The following PCDH9 variants were observed in gnomAD, a reference collection of about 807,000 sequenced individuals.
PCDH9 encodes protocadherin 9.
A neutral mutation model predicts 70.6 loss-of-function variants in PCDH9; 24 were observed. That is an observed-to-expected ratio of 0.34 (90% CI 0.25 to 0.48). The LOEUF is 0.48. Among genes scored for constraint, PCDH9 ranks in the 20% least tolerant of loss-of-function variants. PCDH9 has a pLI of 0.99. For missense variants in PCDH9, 1,281 were observed against 1,503.6 expected (o/e 0.85, Z 2.45); for synonymous variants, 562 against 558.5 (o/e 1.01, Z -0.09).
At chr13:67,196,861 T>A (rs1593604042) in intron 2 of PCDH9, among the ~76,000 whole-genome samples, 1 of 152,002 alleles carries the variant, frequency 6.6e-6, no homozygotes. Flanking sequence ...GGGATAGAAA[T>A]AAAATGTGCA....
chr13:67,090,448 C>A (rs2086194911), intron 2 of PCDH9, among the ~76,000 whole-genome samples: 1 of 151,916 alleles, frequency 6.6e-6, no homozygotes, highest in African/African-American at 2.4e-5. Context: ...TATTAGGAGG[C>A]ATAATCCTGT....
chr13:66,881,217 T>C (rs2081915941), intron 3 of PCDH9, among the ~76,000 whole-genome samples: 1 of 152,214 alleles, frequency 6.6e-6, no homozygotes, highest in African/African-American at 2.4e-5. Context: ...TATATTAGTG[T>C]TAGTCCGTTT....
intron 4 of PCDH9, among the ~76,000 whole-genome samples, chr13:66,392,546 A>G (rs979646306): frequency 2.0e-5 from 3 of 152,152 alleles, no homozygotes; most frequent in Non-Finnish European, 4.4e-5. Context: ...AGTGCAATTC[A>G]GTTATTCTTT....
intron 4 of PCDH9, among the ~76,000 whole-genome samples, chr13:66,602,709 T>C (rs2875480): frequency 0.067 from 9,789 of 145,454 alleles, 1,406 homozygotes; most frequent in South Asian, 0.13. Context: ...ATTCTTTACA[T>C]AGTCTACCTT....
intron 4 of PCDH9, among the ~76,000 whole-genome samples, chr13:66,450,137 A>G (rs770719245): frequency 1.3e-5 from 2 of 152,194 alleles, no homozygotes; most frequent in Non-Finnish European, 2.9e-5. Context: ...AGAAAATGTC[A>G]GTAGCCATCA....
intron 3 of PCDH9, among the ~76,000 whole-genome samples, chr13:66,663,648 A>G (rs2078051435): frequency 1.3e-5 from 2 of 152,208 alleles, no homozygotes; most frequent in Non-Finnish European, 2.9e-5. Flanking sequence ...CTCCTGACAC[A>G]TGAACCAGAC....
intron 4 of PCDH9, among the ~76,000 whole-genome samples, chr13:66,615,574 T>C (rs1340579048): frequency 6.6e-6 from 1 of 152,206 alleles, no homozygotes; most frequent in Non-Finnish European, 1.5e-5. Flanking sequence ...CTTTAGCAGG[T>C]GCTCTCAAAT....
intron 2 of PCDH9, among the ~76,000 whole-genome samples, chr13:67,088,195 T>C (rs1427963001): frequency 1.3e-5 from 2 of 151,930 alleles, no homozygotes; most frequent in Non-Finnish European, 2.9e-5. Context: ...GTTTTGCCAA[T>C]GAGGTCGTGG....
chr13:66,485,688 T>G (rs7333678), intron 4 of PCDH9, among the ~76,000 whole-genome samples: 3,111 of 152,172 alleles, frequency 0.02, 106 homozygotes, highest in East Asian at 0.092. Flanking sequence ...AACTAATAAA[T>G]TATTCTTCAA....
In PCDH9 at chr13:66,956,391, AG is replaced by A. The variant is rs2083265636; in HGVS notation, c.3037-52787del. 2.0e-5 allele frequency among the ~76,000 whole-genome samples: 3 copies of A among 152,306 alleles called. No homozygotes were observed. The South Asian group carries it at 6.2e-4, about 32-fold the overall frequency. ...CCCGACAATAATGAGGCTTAAATTA[AG>A]TATTTTTAAAAAGGTGAGGTTATGT... On this transcript the variant is annotated intron_variant, in intron 2 of 4. Transcript: ENST00000377865.
chr13:66,911,030 G>T (rs1055146075), intron 2 of PCDH9, among the ~76,000 whole-genome samples: 2 of 152,208 alleles, frequency 1.3e-5, no homozygotes, highest in Admixed American at 1.3e-4. Flanking sequence ...TAGCTTTGGA[G>T]AAAGCTCTGT....
At chr13:67,096,650 T>G (rs2086326534) in intron 2 of PCDH9, among the ~76,000 whole-genome samples, 1 of 152,184 alleles carries the variant, frequency 6.6e-6, no homozygotes, top group South Asian at 2.1e-4. Flanking sequence ...TAAGGATAAC[T>G]ACTGTGTACT....
intron 4 of PCDH9, among the ~76,000 whole-genome samples, chr13:66,335,034 G>A (rs1956012892): frequency 6.6e-6 from 1 of 152,064 alleles, no homozygotes; most frequent in South Asian, 2.1e-4. Context: ...AAAACAATGT[G>A]TGGCATAGTT....
intron 4 of PCDH9, among the ~76,000 whole-genome samples, chr13:66,421,129 A>G (rs1176165301): frequency 6.8e-6 from 1 of 147,102 alleles, no homozygotes; most frequent in African/African-American, 2.5e-5. Flanking sequence ...AAGATTAGAG[A>G]AAAAAAAAAG....
At chr13:66,440,900 T>C (rs2052941983) in intron 4 of PCDH9, among the ~76,000 whole-genome samples, 1 of 152,158 alleles carries the variant, frequency 6.6e-6, no homozygotes, top group Admixed American at 6.5e-5. Context: ...TTTCAAAATA[T>C]GGCTTCACGG....
chr13:66,634,790 C>G (rs779801116), intron 3 of PCDH9, among the ~76,000 whole-genome samples: 3 of 152,080 alleles, frequency 2.0e-5, no homozygotes, highest in East Asian at 1.9e-4. Flanking sequence ...CCTTATCCCC[C>G]ACCCCCTCCA....
rs542374019 is a variant in PCDH9 at position 66,953,678 on chromosome 13, T to C, written c.3037-50073A>G. 5.9e-5 allele frequency among the ~76,000 whole-genome samples: 9 copies of C among 152,338 alleles called. No individual in the cohort carries two copies. The South Asian group carries it at 1.9e-3, about 32-fold the overall frequency. On this transcript the variant is annotated intron_variant, in intron 2 of 4. Transcript: ENST00000377865. ...TGGGTGGTTTTATGTTAAGTCTTTGTGGATCCTCATTTACCACTTCATTCC... is the reference window on the plus strand; with the variant it reads ...TGGGTGGTTTTATGTTAAGTCTTTGCGGATCCTCATTTACCACTTCATTCC...
chr13:66,753,283 A>C (rs1422320279), intron 3 of PCDH9, among the ~76,000 whole-genome samples: 1 of 152,180 alleles, frequency 6.6e-6, no homozygotes, highest in Non-Finnish European at 1.5e-5. Flanking sequence ...AGGAATAATA[A>C]GTTTTAGTGT....
At chr13:66,914,315 T>C (rs1441383324) in intron 2 of PCDH9, 1 of 151,922 alleles carries the variant, frequency 6.6e-6, no homozygotes, top group African/African-American at 2.4e-5. Flanking sequence ...GAGTCTGTCT[T>C]TTGAATTACT....
Sources: gnomAD v4.1 joint callset for allele counts (sites outside exome capture counted in the v4.1 genomes callset) on GRCh38, gnomAD v4.1.1 for gene constraint, MANE v1.5 for transcripts, NCBI Gene and HGNC (gene_info 2026-07-23, HGNC 2026-07-21) for gene names.